CFAP53: variants seen among roughly 807,000 people sequenced by gnomAD.
The protein encoded by CFAP53 is cilia- and flagella-associated protein 53.
Under a neutral mutation model 59.7 loss-of-function variants are expected in CFAP53, and 62 were observed. The ratio of observed to expected loss-of-function variants is 1.04; its 90% CI spans 0.85 to 1.28. The LOEUF (loss-of-function observed/expected upper bound fraction) is 1.28. Ranked by LOEUF, CFAP53 falls within the 50% of genes most tolerant of loss-of-function variation. The pLI is 0.00. For missense variants in CFAP53, 629 were observed against 615.6 expected (o/e 1.02, Z -0.23); for synonymous variants, 218 against 205.7 (o/e 1.06, Z -0.51).
rs71169499 is a variant in CFAP53 at position 50,261,252 on chromosome 18, C to CAAAAAAAAAAAA, written c.300-27_300-16dup. Reference sequence around the variant, plus strand: ...GCTCACGTAGCCTGAAACAAAAAGCCAAAAAAAAAAAAAAAAAAAGAAAAC... The same window carrying CAAAAAAAAAAAA: ...GCTCACGTAGCCTGAAACAAAAAGCCAAAAAAAAAAAAAAAAAAAAAAAAAAAAAAAGAAAAC... On this transcript the variant is annotated splice_polypyrimidine_tract_variant and intron_variant, in intron 2 of 7. Coordinates refer to ENST00000398545, the MANE Select transcript of CFAP53 (RefSeq NM_145020.5). 1.8e-5 allele frequency: 22 copies of CAAAAAAAAAAAA among 1,215,710 alleles called. 1 individual carries two copies. Among genetic ancestry groups the CAAAAAAAAAAAA allele is most frequent in the East Asian group, 9.9e-5 (3 of 30,362 alleles). The allele number at this position is 1,215,710 out of a possible 1,614,324, so 75.3% of individuals were successfully genotyped here.
rs1294010268 is a variant in CFAP53, at chr18:50,250,742, C to CA, written c.996+15dup. Reference sequence around the variant, plus strand: ...ATCCCTTCCAGCAGGTAGCAGGCACCAAAAAAATGTCTTACTCTTTTTTGT... The same window carrying CA: ...ATCCCTTCCAGCAGGTAGCAGGCACCAAAAAAAATGTCTTACTCTTTTTTGT... On this transcript the variant is annotated intron_variant, in intron 5 of 7. Coordinates refer to ENST00000398545, the MANE Select transcript of CFAP53 (RefSeq NM_145020.5). 2.5e-6 allele frequency: 4 copies of CA among 1,609,210 alleles called. No homozygotes were observed. Among genetic ancestry groups the CA allele is most frequent in the Non-Finnish European group, 8.5e-7 (1 of 1,176,138 alleles).
chr18:50,257,008 C>A (rs9961270), intron 3 of CFAP53, among the ~76,000 whole-genome samples: 99,421 of 148,902 alleles, frequency 0.67, 33,584 homozygotes, highest in Admixed American at 0.73. Flanking sequence ...GAAGTAGGAG[C>A]CCAAAAATAC....
chr18:50,262,297 C>T (rs2033901529), intron 1 of CFAP53, 78 bp from the exon 2 acceptor site: 1 of 1,182,396 alleles, frequency 8.5e-7, no homozygotes, highest in Non-Finnish European at 1.2e-6. Context: ...TGCTCTCAAT[C>T]AATACTCATA....
At chr18:50,258,080 T>TAAGAA (rs1218976646) in intron 3 of CFAP53, among the ~76,000 whole-genome samples, 1 of 150,822 alleles carries the variant, frequency 6.6e-6, no homozygotes, top group Non-Finnish European at 1.5e-5. Flanking sequence ...TAAAAGAAAA[T>TAAGAA]AAGAAAAGAA....
In CFAP53 at chr18:50,250,749, AT is replaced by A. The variant is rs1285555149; in HGVS notation, c.996+8del. 7 of 1,610,688 alleles carry A rather than the reference AT, an allele frequency of 4.3e-6. No homozygotes were observed. The Admixed American group carries it at 6.7e-5, about 15-fold the overall frequency. On this transcript the variant is annotated splice_region_variant and intron_variant, in intron 5 of 7. Coordinates refer to ENST00000398545, the MANE Select transcript of CFAP53 (RefSeq NM_145020.5). ...CCAGCAGGTAGCAGGCACCAAAAAA[AT>A]GTCTTACTCTTTTTTGTTTCTTTTT...
At chr18:50,252,496 T>C (rs1044019035) in intron 3 of CFAP53, among the ~76,000 whole-genome samples, 5 of 152,060 alleles carry the variant, frequency 3.3e-5, no homozygotes, top group African/African-American at 1.2e-4. Context: ...CTTGAACTCC[T>C]GGCCTCAAGT....
chr18:50,252,065 C>T (rs777672733), intron 3 of CFAP53, among the ~76,000 whole-genome samples: 1 of 151,880 alleles, frequency 6.6e-6, no homozygotes, highest in Non-Finnish European at 1.5e-5. Context: ...CTGACCTATT[C>T]ACTTGACTTT....
intron 3 of CFAP53, among the ~76,000 whole-genome samples, chr18:50,258,330 G>A (rs1340901199): frequency 1.3e-5 from 2 of 152,118 alleles, no homozygotes; most frequent in Non-Finnish European, 2.9e-5. Context: ...TTTTGACAAA[G>A]GAGCCAAGAA....
At chr18:50,230,586 C>G (rs1485670891) in intron 7 of CFAP53, among the ~76,000 whole-genome samples, 1 of 152,152 alleles carries the variant, frequency 6.6e-6, no homozygotes, top group Non-Finnish European at 1.5e-5. Flanking sequence ...AACTGTTGAA[C>G]CTGAGGAGGA....
At chr18:50,256,614 C>T (rs749855127) in intron 3 of CFAP53, among the ~76,000 whole-genome samples, 4 of 152,094 alleles carry the variant, frequency 2.6e-5, no homozygotes, top group Non-Finnish European at 5.9e-5. Flanking sequence ...CAACTTTTAT[C>T]TACTACTCAC....
At position 50,227,279 on chromosome 18, in the gene CFAP53, G is replaced by T; in HGVS notation, c.*102C>A. The T allele has an allele frequency of 1.1e-6, 1 of 899,146 alleles. No individual in the cohort carries two copies. The highest frequency in any genetic ancestry group is 1.8e-5 in the South Asian group (1 of 54,850). 55.7% of individuals were successfully genotyped at this position (899,146 alleles called of 1,614,324 possible). A position where few individuals can be genotyped will look rare whatever the true frequency, so the allele number is the denominator to read the frequency against. ...ATGTTCAATTAATTACACAAACTCA[G>T]GGAAAAAAGAAAAGTTTATCCAGGA... On this transcript the variant is annotated 3_prime_UTR_variant, in exon 8 of 8. Coordinates refer to ENST00000398545, the MANE Select transcript of CFAP53 (RefSeq NM_145020.5).
At chr18:50,250,447 A>C (rs1418758713) in intron 5 of CFAP53, among the ~76,000 whole-genome samples, 1 of 152,172 alleles carries the variant, frequency 6.6e-6, no homozygotes, top group Non-Finnish European at 1.5e-5. Flanking sequence ...GGTCCAACTC[A>C]AATGTCACTT....
chr18:50,232,165 C>T (rs974123566), intron 7 of CFAP53, among the ~76,000 whole-genome samples: 1 of 152,234 alleles, frequency 6.6e-6, no homozygotes, highest in Non-Finnish European at 1.5e-5. Context: ...CATCCCCAAG[C>T]AGCATGTTTT....
Position 50,260,933 on chromosome 18 carries a change from T to C in CFAP53, c.473+131A>G, listed in dbSNP as rs983832677. On this transcript the variant is annotated intron_variant, in intron 3 of 7. Transcript: ENST00000398545. The stretch of plus-strand genomic sequence containing the variant: ...CTGTATTATTCAATGATATGTAATA[T>C]ATTGCCAAGACTTAAAGTTACAACT... 4 of 811,142 alleles carry C rather than the reference T, an allele frequency of 4.9e-6. No homozygotes were observed. The African/African-American group carries it at 7.0e-5, about 14-fold the overall frequency. The allele number at this position is 811,142 out of a possible 1,614,324, so 50.2% of individuals were successfully genotyped here.
intron 5 of CFAP53, among the ~76,000 whole-genome samples, chr18:50,249,309 G>C (rs1037162899): frequency 1.3e-5 from 2 of 151,814 alleles, no homozygotes; most frequent in Non-Finnish European, 2.9e-5. Context: ...CTTGAGCCCA[G>C]GAGTTCAAGA....
intron 3 of CFAP53, among the ~76,000 whole-genome samples, chr18:50,253,556 A>G (rs979539145): frequency 7.9e-5 from 12 of 152,228 alleles, no homozygotes; most frequent in Non-Finnish European, 1.6e-4. Flanking sequence ...AGTGCTTATT[A>G]TCTGCCAGAC....
intron 3 of CFAP53, among the ~76,000 whole-genome samples, chr18:50,254,176 G>C (rs1400084943): frequency 6.7e-6 from 1 of 149,092 alleles, no homozygotes; most frequent in African/African-American, 2.5e-5. Flanking sequence ...AAAAAACCAC[G>C]TATCGGACAA....
chr18:50,231,559 T>C (rs1233185707), intron 7 of CFAP53, among the ~76,000 whole-genome samples: 1 of 152,200 alleles, frequency 6.6e-6, no homozygotes, highest in East Asian at 1.9e-4. Context: ...AACTACCACC[T>C]GTTCAGGTGA....
intron 3 of CFAP53, among the ~76,000 whole-genome samples, chr18:50,254,004 C>T (rs981125744): frequency 2.6e-5 from 4 of 151,970 alleles, no homozygotes; most frequent in African/African-American, 7.3e-5. Flanking sequence ...ACCAAAAGCA[C>T]AATCCATAAA....
Sources: gnomAD v4.1 joint callset for allele counts (sites outside exome capture counted in the v4.1 genomes callset) on GRCh38, gnomAD v4.1.1 for gene constraint, MANE v1.5 for transcripts, NCBI Gene and HGNC (gene_info 2026-07-23, HGNC 2026-07-21) for gene names.